HMCN1: variants seen among roughly 807,000 people sequenced by gnomAD.
The protein encoded by HMCN1 is hemicentin 1, also known as hemicentin-1.
In HMCN1, 321 loss-of-function variants were observed where a neutral mutation model predicts 625.9. The observed-to-expected ratio is 0.51, with a 90% confidence interval of 0.47 to 0.56. The LOEUF (loss-of-function observed/expected upper bound fraction) is 0.56. Ranked by LOEUF, HMCN1 falls within the 20% of genes least tolerant of loss-of-function variation. The pLI, the probability that HMCN1 is intolerant of heterozygous loss-of-function variation, is 0.00. For missense variants in HMCN1, 6,588 were observed against 6,887.3 expected (o/e 0.96, Z 1.54); for synonymous variants, 2,425 against 2,417.6 (o/e 1.00, Z -0.09).
chr1:186,114,926 G>A lies in HMCN1; in HGVS notation c.11384G>A (p.Arg3795Gln), dbSNP rs543213159. The A allele has an allele frequency of 1.1e-4, 175 of 1,614,096 alleles. 1 individual carries two copies. The South Asian group carries it at 1.7e-3, about 16-fold the overall frequency. ...ATNAAGTDRR[R>Q]IDLQVHVPPS... is the part of the protein sequence containing the mutation. ...AATGCTGCTGGAACAGATCGCAGGC[G>A]AATAGATTTACAGGTCCATGGTAAA... Residue 3795 changes from arginine to glutamine, a missense_variant, in exon 74 of 107, where the codon CGA (arginine) becomes CAA (glutamine). Arg to Gln is a conservative substitution (Grantham distance 43). Around this residue, in one of 3 missense-constraint regions of HMCN1, gnomAD observed 4,628 missense variants for 4,853.1 expected, o/e 0.95. Transcript: ENST00000271588.
In HMCN1 at chr1:186,170,517, A is replaced by G. The variant is rs373474144; in HGVS notation, c.15575-820A>G. 2.6e-5 allele frequency among the ~76,000 whole-genome samples: 4 copies of G among 152,198 alleles called. No homozygotes were observed. The South Asian group carries it at 8.3e-4, about 31-fold the overall frequency. On this transcript the variant is annotated intron_variant, in intron 100 of 106. Coordinates refer to ENST00000271588, the MANE Select transcript of HMCN1 (RefSeq NM_031935.3). ...GCACACGTATGTTTATTGAAGCACT[A>G]TTCACAATAGTAAAGACATAGAACC...
At chr1:185,883,965 T>C (rs564181613) in intron 4 of HMCN1, among the ~76,000 whole-genome samples, 7 of 150,552 alleles carry the variant, frequency 4.6e-5, no homozygotes, top group East Asian at 1.9e-4. Context: ...TTGTTGAGTA[T>C]TGGATTTTGT....
Position 186,129,955 on chromosome 1 carries a change from G to T in HMCN1, c.12905-11G>T, listed in dbSNP as rs765204596. The T allele has an allele frequency of 6.2e-7, 1 of 1,612,492 alleles. No individual in the cohort carries two copies. The highest frequency in any genetic ancestry group is 1.1e-5 in the South Asian group (1 of 91,054). The stretch of plus-strand genomic sequence containing the variant: ...CTGAGAGGCACTTGTGTTGTTTCTT[G>T]TTTCCCTCAGCCCACTTTGACAGTG... On this transcript the variant is annotated splice_polypyrimidine_tract_variant and intron_variant, in intron 83 of 106. Coordinates refer to ENST00000271588, the MANE Select transcript of HMCN1 (RefSeq NM_031935.3).
chr1:186,182,835 G>A (rs1653019071), intron 105 of HMCN1, among the ~76,000 whole-genome samples: 1 of 152,164 alleles, frequency 6.6e-6, no homozygotes, highest in Non-Finnish European at 1.5e-5. Context: ...TTACAGTCTA[G>A]TGGAGACAGA....
At position 185,843,676 on chromosome 1, in the gene HMCN1, T is replaced by C. The variant is rs2102313715; in HGVS notation, c.269-2350T>C. Reference sequence around the variant, plus strand: ...GTCATATCATTCAATTAAAATGAATTGGAAAAGATGCTTACAGCTGGAGGG... The same window carrying C: ...GTCATATCATTCAATTAAAATGAATCGGAAAAGATGCTTACAGCTGGAGGG... On this transcript the variant is annotated intron_variant, in intron 1 of 106. Transcript: ENST00000271588. Among the ~76,000 whole-genome samples, 2 of 152,298 alleles carry C rather than the reference T, an allele frequency of 1.3e-5. 1 individual carries two copies. Among genetic ancestry groups the C allele is most frequent in the South Asian group, 4.1e-4 (2 of 4,822 alleles).
At chr1:186,129,944 T>G (rs372105105) in intron 83 of HMCN1, 22 bp from the exon 84 acceptor site, 1 of 1,612,278 alleles carries the variant, frequency 6.2e-7, no homozygotes, top group Non-Finnish European at 8.5e-7. Context: ...GAGGCACTTG[T>G]GTTGTTTCTT....
chr1:185,991,219 A>C (rs1190414920), intron 22 of HMCN1, among the ~76,000 whole-genome samples: 2 of 152,204 alleles, frequency 1.3e-5, no homozygotes, highest in African/African-American at 4.8e-5. Context: ...AGAATCATTG[A>C]TATATAATTA....
intron 36 of HMCN1, among the ~76,000 whole-genome samples, chr1:186,033,014 A>G (rs1655566954): frequency 6.6e-6 from 1 of 151,896 alleles, no homozygotes; most frequent in Non-Finnish European, 1.5e-5. Flanking sequence ...GAACCAACCT[A>G]AGGGTCCATC....
At chr1:185,821,885 T>C (rs1660202686) in intron 1 of HMCN1, among the ~76,000 whole-genome samples, 1 of 146,442 alleles carries the variant, frequency 6.8e-6, no homozygotes, top group South Asian at 2.1e-4. Context: ...ATTGCTTTGC[T>C]TTAAAAAAAA....
In HMCN1 at chr1:186,189,889, A is replaced by G. The variant is rs752188015; in HGVS notation, c.*11A>G. ...GCCTATCCATACTAAGGAACTCTCCAAAGCCTATTCCACATATTTAAACCG... is the reference window on the plus strand; with the variant it reads ...GCCTATCCATACTAAGGAACTCTCCGAAGCCTATTCCACATATTTAAACCG... On this transcript the variant is annotated 3_prime_UTR_variant, in exon 107 of 107. Transcript: ENST00000271588. 5.0e-6 allele frequency: 8 copies of G among 1,613,016 alleles called. No individual in the cohort carries two copies. Among genetic ancestry groups the G allele is most frequent in the Non-Finnish European group, 6.8e-6 (8 of 1,179,680 alleles).
chr1:186,068,258 A>G (rs894493572), intron 50 of HMCN1, among the ~76,000 whole-genome samples: 2 of 152,198 alleles, frequency 1.3e-5, no homozygotes, highest in Admixed American at 1.3e-4. Flanking sequence ...GCAAATAAAT[A>G]AATGCCACAA....
At chr1:186,020,340 C>T (rs1237209868) in intron 35 of HMCN1, among the ~76,000 whole-genome samples, 3 of 151,980 alleles carry the variant, frequency 2.0e-5, no homozygotes, top group Non-Finnish European at 4.4e-5. Context: ...CTAATAGGAT[C>T]GAGTTAATTG....
chr1:185,844,408 T>TG (rs1343817952), intron 1 of HMCN1, among the ~76,000 whole-genome samples: 5 of 152,222 alleles, frequency 3.3e-5, no homozygotes, highest in Non-Finnish European at 5.9e-5. Flanking sequence ...ACATGGGTTA[T>TG]GGCAGACAAA....
At chr1:186,182,074 C>A in intron 104 of HMCN1, 94 bp from the exon 105 acceptor site, 1 of 1,401,430 alleles carries the variant, frequency 7.1e-7, no homozygotes, top group Non-Finnish European at 1.0e-6. Flanking sequence ...AGAAGTTTTT[C>A]TAATGTATAT....
intron 4 of HMCN1, among the ~76,000 whole-genome samples, chr1:185,866,397 ATTTT>A (rs969071873): frequency 5.9e-4 from 61 of 102,608 alleles, no homozygotes; most frequent in African/African-American, 2.5e-3. Context: ...GTTTGTCATA[ATTTT>A]TTTTTTTTTT....
At position 186,128,064 on chromosome 1, in the gene HMCN1, T is replaced by C. The variant is rs778703043; in HGVS notation, c.12691-14T>C. On this transcript the variant is annotated splice_polypyrimidine_tract_variant and intron_variant, in intron 82 of 106. Coordinates refer to ENST00000271588, the MANE Select transcript of HMCN1 (RefSeq NM_031935.3). The stretch of plus-strand genomic sequence containing the variant: ...TGATTATGAAATTTTAAATGTTACT[T>C]TTTTTAATTTTAGCTGGAGGATTCT... The C allele has an allele frequency of 8.7e-6, 14 of 1,610,244 alleles. 1 individual carries two copies. In the South Asian group the frequency reaches 1.4e-4, roughly 16 times the overall value.
chr1:185,923,720 A>G, intron 8 of HMCN1, 67 bp downstream of exon 8: 1 of 1,286,082 alleles, frequency 7.8e-7, no homozygotes, highest in South Asian at 1.2e-5. Context: ...TCCCATAGGT[A>G]AATAACGGAC....
chr1:185,933,408 T>C (rs1002813303), intron 10 of HMCN1, 141 bp from the exon 11 acceptor site: 17 of 774,088 alleles, frequency 2.2e-5, no homozygotes, highest in Non-Finnish European at 3.5e-5. Flanking sequence ...CATAGACATA[T>C]GCATTAATTG....
Position 185,933,660 on chromosome 1 carries a change from G to A in HMCN1, c.1664G>A (p.Arg555Lys). The change falls in exon 11 of 107, where the codon AGG (arginine) becomes AAG (lysine). Residue 555 changes from arginine (R) to lysine (K), a missense_variant. This residue lies in a region of HMCN1 where 4,628 missense variants were observed against 4,853.1 expected (regional missense o/e 0.95). Transcript: ENST00000271588. ...GTGGATTACAATCTAACCTGGCAGA[G>A]GAATGACAGAGATGTCAGACTGGCA... The part of the protein sequence containing the change: ...SAVDYNLTWQ[R>K]NDRDVRLAEP... The A allele has an allele frequency of 6.2e-7, 1 of 1,614,058 alleles. No individual in the cohort carries two copies. Among genetic ancestry groups the A allele is most frequent in the Non-Finnish European group, 8.5e-7 (1 of 1,179,958 alleles).
Sources: gnomAD v4.1 joint callset for allele counts (sites outside exome capture counted in the v4.1 genomes callset) on GRCh38, gnomAD v4.1.1 for gene constraint, gnomAD v4.1.1 regional missense constraint, MANE v1.5 for transcripts, NCBI Gene and HGNC (gene_info 2026-07-23, HGNC 2026-07-21) for gene names.